JOSD1: variants seen among roughly 807,000 people sequenced by gnomAD.
The protein encoded by JOSD1 is Josephin domain containing 1, also known as josephin-1.
Under a neutral mutation model 24.3 loss-of-function variants are expected in JOSD1, and 11 were observed. The ratio of observed to expected loss-of-function variants is 0.45; its 90% CI spans 0.29 to 0.75. The LOEUF (loss-of-function observed/expected upper bound fraction) is 0.75. Among genes scored for constraint, JOSD1 ranks in the 30% least tolerant of loss-of-function variants. The pLI is 0.11. For synonymous variants in JOSD1, 106 were observed against 93.8 expected, an observed-to-expected ratio of 1.13 and a Z score of -0.75; for missense variants, 184 against 253.5, an observed-to-expected ratio of 0.73 and a Z score of 1.86.
At position 38,688,805 on chromosome 22, in the gene JOSD1, C is replaced by T. The variant is rs554169434; in HGVS notation, c.509+130G>A. On this transcript the variant is annotated intron_variant, in intron 4 of 4. Coordinates refer to ENST00000683374, the MANE Select transcript of JOSD1 (RefSeq NM_001360236.2). ...AGGTCAGGTCCGAGACACTATGATT[C>T]TAAGGCAGGGAGAGAATCCAAGGGC... 3 of 851,938 alleles carry T rather than the reference C, an allele frequency of 3.5e-6. No homozygotes were observed. In the East Asian group the frequency reaches 7.3e-5, roughly 21 times the overall value. The allele number at this position is 851,938 out of a possible 1,614,324, so 52.8% of individuals were successfully genotyped here. A position where few individuals can be genotyped will look rare whatever the true frequency, so the allele number is the denominator to read the frequency against.
rs1241727196 is a variant in JOSD1 at position 38,689,013 on chromosome 22, C to T, written c.431G>A (p.Arg144Gln). 3 of 1,614,180 alleles carry T rather than the reference C, an allele frequency of 1.9e-6. No homozygotes were observed. The highest frequency in any genetic ancestry group is 1.1e-5 in the South Asian group (1 of 91,086). Reference sequence around the variant, plus strand: ...GTTGTAGTAGGCCCCTCCCACCTCTCGAACACAGATCCAGTGCTGCCTTTT... The same window carrying T: ...GTTGTAGTAGGCCCCTCCCACCTCTTGAACACAGATCCAGTGCTGCCTTTT... ...PLKRQHWICVREVGGAYYNLD... is the reference protein window; with the variant it reads ...PLKRQHWICVQEVGGAYYNLD... Residue 144 changes from arginine (R) to glutamine (Q), a missense_variant, in exon 4 of 5, where the codon CGA becomes CAA. Arg to Gln is a conservative substitution (Grantham distance 43). Coordinates refer to ENST00000683374, the MANE Select transcript of JOSD1 (RefSeq NM_001360236.2).
At chr22:38,697,252 C>T (rs956950300) in intron 2 of JOSD1, among the ~76,000 whole-genome samples, 26 of 152,240 alleles carry the variant, frequency 1.7e-4, no homozygotes, top group African/African-American at 6.3e-4. Flanking sequence ...TTTCACACTT[C>T]TGTATTTTTT....
At chr22:38,700,690 C>T in intron 1 of JOSD1, 72 bp from the exon 2 acceptor site, 6 of 978,682 alleles carry the variant, frequency 6.1e-6, no homozygotes, top group Non-Finnish European at 7.3e-6. Context: ...CGGCCCCTGC[C>T]CGAGGGAAGG....
intron 2 of JOSD1, among the ~76,000 whole-genome samples, chr22:38,698,681 G>GTCCATT (rs1339820747): frequency 6.6e-6 from 1 of 152,150 alleles, no homozygotes; most frequent in Non-Finnish European, 1.5e-5. Flanking sequence ...ATGCTGTTGT[G>GTCCATT]TCCATTAAGA....
Position 38,686,297 on chromosome 22 carries a change from G to C in JOSD1, c.*1605C>G, listed in dbSNP as rs145217941. 3.0e-3 allele frequency: 456 copies of C among 151,210 alleles called. 1 individual carries two copies. The highest frequency in any genetic ancestry group is 0.021 in the Middle Eastern group (6 of 292). The allele number at this position is 151,210 out of a possible 1,614,324, so 9.4% of individuals were successfully genotyped here. ...GTGTCAACATGCACTCCAGTCACAG[G>C]GGGGAGAAAGCCCAGCTTCACCCCG... On this transcript the variant is annotated 3_prime_UTR_variant, in exon 5 of 5. Transcript: ENST00000683374.
rs1204519178 is a variant in JOSD1 at position 38,685,607 on chromosome 22, CAAGG to C, written c.*2291_*2294del. ...TACACAATTATAGAATTCAGGCAGACAAGGAGACATATATGGAGTTTTCCATTTT... is the reference window on the plus strand; with the variant it reads ...TACACAATTATAGAATTCAGGCAGACAGACATATATGGAGTTTTCCATTTT... On this transcript the variant is annotated 3_prime_UTR_variant, in exon 5 of 5. Coordinates refer to ENST00000683374, the MANE Select transcript of JOSD1 (RefSeq NM_001360236.2). 4 of 152,368 alleles carry C rather than the reference CAAGG, an allele frequency of 2.6e-5. No individual in the cohort carries two copies. The highest frequency in any genetic ancestry group is 9.7e-5 in the African/African-American group (4 of 41,374). The allele number at this position is 152,368 out of a possible 1,614,324, so 9.4% of individuals were successfully genotyped here.
chr22:38,698,179 G>C (rs2145818536), intron 2 of JOSD1, among the ~76,000 whole-genome samples: 1 of 152,274 alleles, frequency 6.6e-6, no homozygotes, highest in South Asian at 2.1e-4. Context: ...GCATGTACTG[G>C]GTCCTCCTTT....
chr22:38,690,849 C>T (rs921283952), intron 2 of JOSD1, among the ~76,000 whole-genome samples: 39 of 151,696 alleles, frequency 2.6e-4, no homozygotes, highest in South Asian at 2.1e-4. Context: ...GGTGAAACCC[C>T]GTCTCTACTA....
rs986636732 is a variant in JOSD1 at position 38,700,694 on chromosome 22, G to A, written c.-631-76C>T. 1,630 of 978,204 alleles carry A rather than the reference G, an allele frequency of 1.7e-3. 3 individuals are homozygous for A. The highest frequency in any genetic ancestry group is 6.3e-3 in the Middle Eastern group (12 of 1,910). 60.6% of individuals were successfully genotyped at this position (978,204 alleles called of 1,614,324 possible). On this transcript the variant is annotated intron_variant, in intron 1 of 4. Coordinates refer to ENST00000683374, the MANE Select transcript of JOSD1 (RefSeq NM_001360236.2). ...AGCGGCGGGGCCGGCCCCTGCCCGAGGGAAGGTTCCGCGCGGCGAAGGGCT... is the reference window on the plus strand; with the variant it reads ...AGCGGCGGGGCCGGCCCCTGCCCGAAGGAAGGTTCCGCGCGGCGAAGGGCT...
rs1412807144 is a variant in JOSD1, at chr22:38,689,435, G to C, written c.186-11C>G. 1.2e-6 allele frequency: 2 copies of C among 1,614,080 alleles called. No individual in the cohort carries two copies. Among genetic ancestry groups the C allele is most frequent in the African/African-American group, 1.3e-5 (1 of 75,056 alleles). ...GTGTTTGGAGACAACCTACCAATGTGAAAAGAGGAGGGCTGAGACTTGCTG... is the reference window on the plus strand; with the variant it reads ...GTGTTTGGAGACAACCTACCAATGTCAAAAGAGGAGGGCTGAGACTTGCTG... On this transcript the variant is annotated splice_polypyrimidine_tract_variant and intron_variant, in intron 2 of 4. Coordinates refer to ENST00000683374, the MANE Select transcript of JOSD1 (RefSeq NM_001360236.2).
intron 2 of JOSD1, among the ~76,000 whole-genome samples, chr22:38,696,068 A>T (rs926539804): frequency 5.9e-5 from 9 of 152,112 alleles, no homozygotes; most frequent in Non-Finnish European, 8.8e-5. Flanking sequence ...GGTGGGGGGA[A>T]AAATCCTATT....
chr22:38,698,122 A>G (rs2092552910), intron 2 of JOSD1, among the ~76,000 whole-genome samples: 1 of 152,196 alleles, frequency 6.6e-6, no homozygotes, highest in African/African-American at 2.4e-5. Context: ...TAATTTGCAA[A>G]TATCTGATTA....
intron 2 of JOSD1, among the ~76,000 whole-genome samples, chr22:38,694,759 G>C (rs1460576024): frequency 6.6e-6 from 1 of 151,842 alleles, no homozygotes; most frequent in Non-Finnish European, 1.5e-5. Flanking sequence ...CTACTTGGGA[G>C]GCTGAGGCAG....
At position 38,700,540 on chromosome 22, in the gene JOSD1, T is replaced by G; in HGVS notation, c.-553A>C. ...CGCGCGGGGGCCTCGGGGGCAGCCC[T>G]CCATCCCCTCGGGTACGGTGGGGCC... On this transcript the variant is annotated 5_prime_UTR_variant, in exon 2 of 5. Transcript: ENST00000683374. 3 of 985,870 alleles carry G rather than the reference T, an allele frequency of 3.0e-6. No individual in the cohort carries two copies. In the South Asian group the frequency reaches 1.4e-4, roughly 46 times the overall value. The allele number at this position is 985,870 out of a possible 1,614,324, so 61.1% of individuals were successfully genotyped here.
chr22:38,699,205 T>A (rs1387924696), intron 2 of JOSD1, among the ~76,000 whole-genome samples: 1 of 152,244 alleles, frequency 6.6e-6, no homozygotes. Context: ...TTTCTGCCTA[T>A]CAGCATAATA....
rs2092498812 is a variant in JOSD1, at chr22:38,686,559, T to C, written c.*1343A>G. 1 of 152,292 alleles carries C rather than the reference T, an allele frequency of 6.6e-6. No individual in the cohort carries two copies. Among genetic ancestry groups the C allele is most frequent in the East Asian group, 1.9e-4 (1 of 5,208 alleles). 9.4% of individuals were successfully genotyped at this position (152,292 alleles called of 1,614,324 possible). A position where few individuals can be genotyped will look rare whatever the true frequency, so the allele number is the denominator to read the frequency against. On this transcript the variant is annotated 3_prime_UTR_variant, in exon 5 of 5. Transcript: ENST00000683374. Reference sequence around the variant, plus strand: ...TTACAAGAGAAAAGTGGCCTACAACTATCTGAAGAGGTAGGGGCGGGTTGA... The same window carrying C: ...TTACAAGAGAAAAGTGGCCTACAACCATCTGAAGAGGTAGGGGCGGGTTGA...
intron 2 of JOSD1, among the ~76,000 whole-genome samples, chr22:38,690,377 T>G (rs147400736): frequency 1.3e-5 from 2 of 152,230 alleles, no homozygotes; most frequent in Non-Finnish European, 2.9e-5. Context: ...AATTTTTCTG[T>G]GCACAGCAGA....
chr22:38,700,097 C>T lies in JOSD1; in HGVS notation c.-110G>A, dbSNP rs964426434. 2.7e-6 allele frequency: 4 copies of T among 1,459,534 alleles called. No individual in the cohort carries two copies. Among genetic ancestry groups the T allele is most frequent in the African/African-American group, 1.4e-5 (1 of 69,698 alleles). 90.4% of individuals were successfully genotyped at this position (1,459,534 alleles called of 1,614,324 possible). ...GGATTCCTGAGGTCCACCTTATTCT[C>T]TGGTGTCCATGATTTATGCTTTGTC... On this transcript the variant is annotated 5_prime_UTR_variant, in exon 2 of 5. Coordinates refer to ENST00000683374, the MANE Select transcript of JOSD1 (RefSeq NM_001360236.2).
chr22:38,699,425 G>A (rs1446916179), intron 2 of JOSD1, among the ~76,000 whole-genome samples: 1 of 152,224 alleles, frequency 6.6e-6, no homozygotes, highest in Non-Finnish European at 1.5e-5. Context: ...GAGCTTTACA[G>A]GCATTATAGC....
Sources: gnomAD v4.1 joint callset for allele counts (sites outside exome capture counted in the v4.1 genomes callset) on GRCh38, gnomAD v4.1.1 for gene constraint, MANE v1.5 for transcripts, NCBI Gene and HGNC (gene_info 2026-07-23, HGNC 2026-07-21) for gene names.